KANK1: variants seen among roughly 807,000 people sequenced by gnomAD.
KANK1 encodes KN motif and ankyrin repeat domain-containing protein 1.
In KANK1, 109 loss-of-function variants were observed where a neutral mutation model predicts 106.2. That is an observed-to-expected ratio of 1.03 (90% CI 0.88 to 1.20). The LOEUF is 1.20. KANK1 is among the 50% of genes most tolerant of loss of function. The pLI, the probability that KANK1 is intolerant of heterozygous loss-of-function variation, is 0.00. For missense variants in KANK1, 2,399 were observed against 1,710.7 expected (o/e 1.40, Z -7.10); for synonymous variants, 873 against 652.2 (o/e 1.34, Z -5.16).
At chr9:654,517 T>C (rs1039976543) in intron 1 of KANK1, among the ~76,000 whole-genome samples, 2 of 152,008 alleles carry the variant, frequency 1.3e-5, no homozygotes, top group Non-Finnish European at 2.9e-5. Context: ...CACAGGACAA[T>C]AGAATTTTTT....
intron 1 of KANK1, among the ~76,000 whole-genome samples, chr9:610,539 G>A (rs900424227): frequency 2.0e-5 from 3 of 152,156 alleles, no homozygotes; most frequent in Admixed American, 2.0e-4. Flanking sequence ...GTTTAATATA[G>A]CAGCTGGTTT....
In KANK1 at chr9:506,121, C is replaced by G. The variant is rs568010108; in HGVS notation, c.-84+1367C>G. Among the ~76,000 whole-genome samples, 4 of 152,296 alleles carry G rather than the reference C, an allele frequency of 2.6e-5. 1 individual carries two copies. Among genetic ancestry groups the G allele is most frequent in the African/African-American group, 9.6e-5 (4 of 41,548 alleles). ...TCATCACTACCATCTGATTCCATTT[C>G]GTTGCCCCCAAAAAGAACCCCTATA... On this transcript the variant is annotated intron_variant, in intron 1 of 11. Coordinates refer to ENST00000382297, the MANE Select transcript of KANK1 (RefSeq NM_015158.5).
chr9:489,248 C>T (rs1218157224), intron 3 of KANK1, among the ~76,000 whole-genome samples: 1 of 151,996 alleles, frequency 6.6e-6, no homozygotes, highest in East Asian at 1.9e-4. Context: ...TGGGGTAGAG[C>T]CTACATGTGT....
At chr9:511,367 T>C (rs1007413915) in intron 1 of KANK1, among the ~76,000 whole-genome samples, 1 of 152,212 alleles carries the variant, frequency 6.6e-6, no homozygotes, top group Non-Finnish European at 1.5e-5. Flanking sequence ...GCCAGCCTGG[T>C]GATCTCTGTG....
intron 3 of KANK1, among the ~76,000 whole-genome samples, chr9:484,972 G>A (rs1273673850): frequency 4.0e-5 from 6 of 151,776 alleles, no homozygotes; most frequent in Non-Finnish European, 8.8e-5. Context: ...ACATAAATGT[G>A]TCAATGCTTT....
chr9:742,093 T>TCTTTCCCTTCTGTCACCACACTCTTCCCC, intron 9 of KANK1, 112 bp from the exon 10 acceptor site: 2 of 914,058 alleles, frequency 2.2e-6, no homozygotes, highest in East Asian at 4.9e-5. Context: ...CATCGCCAGT[T>TCTTTCCCTTCTGTCACCACACTCTTCCCC]CTTTCCCTTC....
chr9:620,430 G>A (rs1051604896), intron 1 of KANK1, among the ~76,000 whole-genome samples: 4 of 151,812 alleles, frequency 2.6e-5, no homozygotes, highest in African/African-American at 2.4e-5. Context: ...ACGGAGTCTC[G>A]CACTGTCACC....
chr9:506,891 A>G (rs1012928349), intron 1 of KANK1, among the ~76,000 whole-genome samples: 11 of 152,202 alleles, frequency 7.2e-5, no homozygotes, highest in Non-Finnish European at 1.3e-4. Context: ...TGGAATAACT[A>G]TAGGGTGAGC....
intron 1 of KANK1, among the ~76,000 whole-genome samples, chr9:554,719 T>G (rs762673932): frequency 5.3e-5 from 8 of 152,206 alleles, no homozygotes; most frequent in Non-Finnish European, 1.0e-4. Flanking sequence ...TTTCTAGGAT[T>G]TGACATTTTC....
At chr9:581,790 C>T (rs372412703) in intron 1 of KANK1, among the ~76,000 whole-genome samples, 1 of 152,134 alleles carries the variant, frequency 6.6e-6, no homozygotes, top group African/African-American at 2.4e-5. Flanking sequence ...TTACACCAGT[C>T]CCTACTGCTT....
chr9:604,603 G>A (rs913573285), intron 1 of KANK1, among the ~76,000 whole-genome samples: 16 of 151,660 alleles, frequency 1.1e-4, no homozygotes, highest in Non-Finnish European at 1.5e-4. Context: ...AGACCAACGC[G>A]GGCAGATCAC....
In KANK1 at chr9:642,259, T is replaced by A. The variant is rs75288438; in HGVS notation, c.-83-34631T>A. Among the ~76,000 whole-genome samples the A allele has an allele frequency of 3.9e-3, 563 of 144,340 alleles. 8 individuals are homozygous for A. Among genetic ancestry groups the A allele is most frequent in the Middle Eastern group, 0.014 (4 of 284 alleles). 94.7% of individuals were successfully genotyped at this position (144,340 alleles called of 152,430 possible). A position where few individuals can be genotyped will look rare whatever the true frequency, so the allele number is the denominator to read the frequency against. On this transcript the variant is annotated intron_variant, in intron 1 of 11. Transcript: ENST00000382297. Reference sequence around the variant, plus strand: ...CATGAAAGGTCGTAGAATAAATGAGTCTGCAGAAAACTGCGTGGTTAAGTT... The same window carrying A: ...CATGAAAGGTCGTAGAATAAATGAGACTGCAGAAAACTGCGTGGTTAAGTT...
intron 3 of KANK1, among the ~76,000 whole-genome samples, chr9:728,151 C>T (rs140014520): frequency 0.016 from 2,478 of 152,194 alleles, 60 homozygotes; most frequent in African/African-American, 0.056. Flanking sequence ...AGTATTTTAC[C>T]CTAAAATATA....
chr9:594,101 A>T lies in KANK1; in HGVS notation c.-83-82789A>T, dbSNP rs535415944. Among the ~76,000 whole-genome samples, 3 of 151,972 alleles carry T rather than the reference A, an allele frequency of 2.0e-5. No individual in the cohort carries two copies. In the South Asian group the frequency reaches 6.2e-4, roughly 32 times the overall value. On this transcript the variant is annotated intron_variant, in intron 1 of 11. Transcript: ENST00000382297. Reference sequence around the variant, plus strand: ...CTGCTGTAAGTGATGGGGGCTGTGGACTTATGCAGAAGTGCACTTGTTGGG... The same window carrying T: ...CTGCTGTAAGTGATGGGGGCTGTGGTCTTATGCAGAAGTGCACTTGTTGGG...
At chr9:519,225 CT>C (rs973688133) in intron 1 of KANK1, among the ~76,000 whole-genome samples, 1 of 151,698 alleles carries the variant, frequency 6.6e-6, no homozygotes, top group African/African-American at 2.4e-5. Context: ...ATAATTGTGT[CT>C]TTTCCCCCAA....
chr9:734,626 A>G (rs560102407), intron 6 of KANK1, 122 bp from the exon 7 acceptor site: 2 of 631,112 alleles, frequency 3.2e-6, no homozygotes, highest in Admixed American at 2.6e-5. Context: ...AGATCATGCC[A>G]CTGCACTCCA....
chr9:637,809 A>G (rs187810145), intron 1 of KANK1, among the ~76,000 whole-genome samples: 7 of 152,294 alleles, frequency 4.6e-5, no homozygotes, highest in Non-Finnish European at 5.9e-5. Flanking sequence ...TATTTTAAAA[A>G]CTATTAGACT....
intron 1 of KANK1, among the ~76,000 whole-genome samples, chr9:611,443 A>T (rs567576864): frequency 5.3e-5 from 8 of 152,304 alleles, no homozygotes; most frequent in African/African-American, 1.9e-4. Flanking sequence ...AAAAACCTTA[A>T]GGCCCATGTC....
At chr9:688,831 C>T (rs185830526) in intron 2 of KANK1, among the ~76,000 whole-genome samples, 52 of 152,216 alleles carry the variant, frequency 3.4e-4, no homozygotes, top group African/African-American at 1.2e-3. Flanking sequence ...TTGTCTCAGG[C>T]TTATTCTCTG....
Sources: gnomAD v4.1 joint callset for allele counts (sites outside exome capture counted in the v4.1 genomes callset) on GRCh38, gnomAD v4.1.1 for gene constraint, MANE v1.5 for transcripts, NCBI Gene and HGNC (gene_info 2026-07-23, HGNC 2026-07-21) for gene names.